Variants in C2CD3 observed in about 807,000 individuals in gnomAD.
C2CD3 encodes the protein C2 domain-containing protein 3.
Under a neutral mutation model 234.0 loss-of-function variants are expected in C2CD3, and 148 were observed. The observed-to-expected ratio is 0.63, with a 90% confidence interval of 0.55 to 0.72. The LOEUF is 0.72. Among genes scored for constraint, C2CD3 ranks in the 30% least tolerant of loss-of-function variants. C2CD3 has a pLI of 0.00. For missense variants in C2CD3, 2,577 were observed against 2,811.5 expected (o/e 0.92, Z 1.89); for synonymous variants, 1,000 against 1,035.4 (o/e 0.97, Z 0.66).
Position 74,170,972 on chromosome 11 carries a change from G to GC in C2CD3, c.-181dup, listed in dbSNP as rs966370410. On this transcript the variant is annotated 5_prime_UTR_variant, in exon 1 of 33. Transcript: ENST00000334126. ...CTCCGGAAAACGGTGCGAAGAGAAG[G>GC]CGCCAAGACGCCTTCCCTCCAATAC... The GC allele has an allele frequency of 7.3e-7, 1 of 1,376,118 alleles. No homozygotes were observed. Among genetic ancestry groups the GC allele is most frequent in the African/African-American group, 1.5e-5 (1 of 68,626 alleles). The allele number at this position is 1,376,118 out of a possible 1,614,324, so 85.2% of individuals were successfully genotyped here.
intron 24 of C2CD3, among the ~76,000 whole-genome samples, chr11:74,064,701 A>C (rs1270515560): frequency 6.6e-6 from 1 of 152,252 alleles, no homozygotes; most frequent in Non-Finnish European, 1.5e-5. Context: ...CCAAAACAGC[A>C]TGGTACTGGT....
intron 7 of C2CD3, among the ~76,000 whole-genome samples, chr11:74,127,246 A>G (rs1957443517): frequency 6.6e-6 from 1 of 152,142 alleles, no homozygotes; most frequent in Non-Finnish European, 1.5e-5. Flanking sequence ...AGCTAAAGCG[A>G]TTCTCCCAAC....
chr11:74,132,470 A>G (rs1350168299), intron 7 of C2CD3, among the ~76,000 whole-genome samples: 1 of 152,194 alleles, frequency 6.6e-6, no homozygotes, highest in Non-Finnish European at 1.5e-5. Context: ...TACAATTCCA[A>G]TTTTACCAAT....
chr11:74,168,046 T>C (rs987493555), intron 2 of C2CD3: 2 of 260,236 alleles, frequency 7.7e-6, no homozygotes, highest in Non-Finnish European at 1.5e-5. Flanking sequence ...TTTATCAACT[T>C]TGTGACCTTA....
At chr11:74,137,636 G>A (rs1325965436) in intron 5 of C2CD3, among the ~76,000 whole-genome samples, 1 of 151,424 alleles carries the variant, frequency 6.6e-6, no homozygotes, top group Non-Finnish European at 1.5e-5. Flanking sequence ...CCAGGCTGGA[G>A]TGCAGTGGTA....
In C2CD3 at chr11:74,085,638, T is replaced by G; in HGVS notation, c.3890A>C (p.Tyr1297Ser). The G allele has an allele frequency of 6.2e-7, 1 of 1,614,106 alleles. No individual in the cohort carries two copies. The highest frequency in any genetic ancestry group is 8.5e-7 in the Non-Finnish European group (1 of 1,180,014). Residue 1297 changes from tyrosine to serine, a missense_variant, in exon 21 of 33, where the codon TAT becomes TCT. Tyr to Ser is a moderately radical substitution (Grantham distance 144). Transcript: ENST00000334126. ...LEFAEVIFAVYHENTKSASDI... is the reference protein window; with the variant it reads ...LEFAEVIFAVSHENTKSASDI... ...CTCACCTGACTTGGTATTTTCATGA[T>G]AGACAGCAAAAATAACTTCTGCAAA... is the stretch of plus-strand genomic sequence containing the variant.
At chr11:74,137,713 T>C (rs1457442611) in intron 5 of C2CD3, among the ~76,000 whole-genome samples, 2 of 151,708 alleles carry the variant, frequency 1.3e-5, no homozygotes, top group Non-Finnish European at 2.9e-5. Context: ...GCCTCCTGAG[T>C]AGTTGGGACT....
chr11:74,087,103 AG>A (rs1424901961), intron 20 of C2CD3, among the ~76,000 whole-genome samples: 4 of 152,202 alleles, frequency 2.6e-5, no homozygotes, highest in African/African-American at 9.6e-5. Flanking sequence ...TTCATTTCTA[AG>A]AAAAAAAGAA....
chr11:74,122,005 G>T (rs1277646623), intron 8 of C2CD3, among the ~76,000 whole-genome samples: 1 of 152,064 alleles, frequency 6.6e-6, no homozygotes, highest in Non-Finnish European at 1.5e-5. Flanking sequence ...CCCACTGTAG[G>T]GTTGCCAGAC....
At chr11:74,054,419 T>G (rs1343639197) in intron 26 of C2CD3, among the ~76,000 whole-genome samples, 188 bp downstream of exon 26, 1 of 150,398 alleles carries the variant, frequency 6.6e-6, no homozygotes, top group African/African-American at 2.4e-5. Flanking sequence ...TTTTTTTTCT[T>G]ACAGGAGAAT....
Position 74,057,558 on chromosome 11 carries a change from A to T in C2CD3, c.4952-14T>A. The T allele has an allele frequency of 6.2e-7, 1 of 1,613,974 alleles. No homozygotes were observed. Among genetic ancestry groups the T allele is most frequent in the Non-Finnish European group, 8.5e-7 (1 of 1,179,898 alleles). ...TCAAGGGGCTCCCTGAAATAGAATAAAGTGCAGTGACTGTACTTTAGGGTA... is the reference window on the plus strand; with the variant it reads ...TCAAGGGGCTCCCTGAAATAGAATATAGTGCAGTGACTGTACTTTAGGGTA... On this transcript the variant is annotated splice_polypyrimidine_tract_variant and intron_variant, in intron 24 of 32. Transcript: ENST00000334126.
intron 24 of C2CD3, among the ~76,000 whole-genome samples, chr11:74,063,869 C>T (rs913330625): frequency 6.6e-6 from 1 of 152,070 alleles, no homozygotes; most frequent in Non-Finnish European, 1.5e-5. Flanking sequence ...TTAGAAAACC[C>T]CATCGTCTCA....
chr11:74,106,961 T>C (rs1426164312), intron 12 of C2CD3, among the ~76,000 whole-genome samples: 2 of 152,204 alleles, frequency 1.3e-5, no homozygotes, highest in African/African-American at 4.8e-5. Context: ...TGGTAACAGA[T>C]ATTAAAAGCT....
intron 28 of C2CD3, among the ~76,000 whole-genome samples, chr11:74,042,745 T>C (rs1953132253): frequency 6.9e-6 from 1 of 145,538 alleles, no homozygotes; most frequent in Non-Finnish European, 1.5e-5. Context: ...AGAGTGAGAC[T>C]CTGTCTTAAA....
chr11:74,151,136 G>A (rs1855623281), intron 3 of C2CD3, among the ~76,000 whole-genome samples: 1 of 152,080 alleles, frequency 6.6e-6, no homozygotes, highest in Non-Finnish European at 1.5e-5. Context: ...ATATTGGGCA[G>A]GCTGATCTCG....
At chr11:74,166,316 T>TAA (rs34997320) in intron 2 of C2CD3, among the ~76,000 whole-genome samples, 92 of 123,162 alleles carry the variant, frequency 7.5e-4, no homozygotes, top group African/African-American at 2.3e-3. Flanking sequence ...GACTCCGTCT[T>TAA]AAAAAAAAAA....
At chr11:74,023,000 T>C (rs562490630) in intron 32 of C2CD3, among the ~76,000 whole-genome samples, 1 of 152,294 alleles carries the variant, frequency 6.6e-6, no homozygotes, top group African/African-American at 2.4e-5. Context: ...GATAACCCCA[T>C]TTGACAGATG....
At chr11:74,107,555 A>G (rs531285671) in intron 12 of C2CD3, among the ~76,000 whole-genome samples, 166 of 152,352 alleles carry the variant, frequency 1.1e-3, no homozygotes, top group Middle Eastern at 3.4e-3. Flanking sequence ...AATGTTTGAT[A>G]AAAGGGTATT....
At chr11:74,127,495 T>C (rs1392922820) in intron 7 of C2CD3, among the ~76,000 whole-genome samples, 2 of 151,784 alleles carry the variant, frequency 1.3e-5, no homozygotes, top group African/African-American at 4.8e-5. Context: ...TTTTTTTGCA[T>C]GTGACTATCC....
Sources: allele counts gnomAD v4.1 joint callset (sites outside exome capture counted in the v4.1 genomes callset), GRCh38; gene constraint gnomAD v4.1.1; transcripts MANE v1.5; gene names NCBI Gene and HGNC (gene_info 2026-07-23, HGNC 2026-07-21).